Variants in RAD51B observed in about 807,000 individuals in gnomAD.
RAD51B encodes the protein RAD51 paralog B, also known as DNA repair protein RAD51 homolog 2.
RAD51B carries 38 observed loss-of-function variants against 42.2 expected under a neutral mutation model. The observed-to-expected ratio is 0.90, with a 90% CI of 0.70 to 1.18. The LOEUF (loss-of-function observed/expected upper bound fraction) is 1.18. Ranked by LOEUF, RAD51B falls within the 50% of genes most tolerant of loss-of-function variation. The pLI is 0.00. For synonymous variants in RAD51B, 154 were observed against 145.2 expected, an observed-to-expected ratio of 1.06 and a Z score of -0.43; for missense variants, 373 against 400.7, an observed-to-expected ratio of 0.93 and a Z score of 0.59.
At chr14:67,946,284 C>T (rs2045388445) in intron 7 of RAD51B, among the ~76,000 whole-genome samples, 3 of 152,126 alleles carry the variant, frequency 2.0e-5, no homozygotes, top group East Asian at 1.9e-4. Context: ...TATGTCTCTT[C>T]GTGGAATAAA....
At chr14:67,953,752 G>C (rs2074497469) in intron 7 of RAD51B, among the ~76,000 whole-genome samples, 1 of 152,084 alleles carries the variant, frequency 6.6e-6, no homozygotes, top group African/African-American at 2.4e-5. Context: ...AAGAGAATTG[G>C]AACAATATTT....
intron 7 of RAD51B, among the ~76,000 whole-genome samples, chr14:68,229,870 A>G (rs1177048009): frequency 6.6e-6 from 1 of 152,174 alleles, no homozygotes. Flanking sequence ...GATCTCTTAT[A>G]TCTTTGTGCC....
chr14:67,860,073 C>T (rs2042116871), intron 4 of RAD51B, among the ~76,000 whole-genome samples: 2 of 152,264 alleles, frequency 1.3e-5, no homozygotes, highest in South Asian at 4.1e-4. Context: ...CTGCCCACCT[C>T]GGCCTCCCAA....
At chr14:67,922,022 T>G (rs1017751369) in intron 7 of RAD51B, among the ~76,000 whole-genome samples, 2 of 152,242 alleles carry the variant, frequency 1.3e-5, no homozygotes, top group Non-Finnish European at 2.9e-5. Flanking sequence ...ATTTCTGTGT[T>G]CAGGTGCTTT....
chr14:68,276,442 C>T (rs1283448160), intron 7 of RAD51B, among the ~76,000 whole-genome samples: 1 of 152,100 alleles, frequency 6.6e-6, no homozygotes, highest in Non-Finnish European at 1.5e-5. Flanking sequence ...AAATATCAGT[C>T]TTATCTTTGT....
At chr14:67,945,912 G>T (rs1015920086) in intron 7 of RAD51B, among the ~76,000 whole-genome samples, 2 of 152,190 alleles carry the variant, frequency 1.3e-5, no homozygotes, top group African/African-American at 4.8e-5. Context: ...TTCTCAGTGA[G>T]TTTCATAACC....
chr14:68,394,879 A>C (rs182487977), intron 8 of RAD51B, among the ~76,000 whole-genome samples: 44 of 152,290 alleles, frequency 2.9e-4, no homozygotes, highest in African/African-American at 1.0e-3. Flanking sequence ...TTCCCTCTGC[A>C]GCCACAGCTG....
chr14:67,837,421 T>C (rs2041280066), intron 4 of RAD51B, among the ~76,000 whole-genome samples: 1 of 152,210 alleles, frequency 6.6e-6, no homozygotes, highest in African/African-American at 2.4e-5. Flanking sequence ...TTAGCTTTTA[T>C]TAATTATTTT....
rs1204817902 is a variant in RAD51B at position 68,136,575 on chromosome 14, CAAAAAAAAAAA to C, written c.757-155293_757-155283del. On this transcript the variant is annotated intron_variant, in intron 7 of 10. Transcript: ENST00000471583. ...TGTGGTGACAAATGAGACTCCATCT[CAAAAAAAAAAA>C]AAAAAAAAAAAAAAAGAAGTAGACC... 1.6e-3 allele frequency among the ~76,000 whole-genome samples: 7 copies of C among 4,454 alleles called. 2 individuals are homozygous for C. Among genetic ancestry groups the C allele is most frequent in the South Asian group, 0.05 (2 of 40 alleles). The allele number at this position is 4,454 out of a possible 152,430, so 2.9% of individuals were successfully genotyped here. A position where few individuals can be genotyped will look rare whatever the true frequency, so the allele number is the denominator to read the frequency against.
intron 11 of RAD51B, among the ~76,000 whole-genome samples, chr14:68,673,492 C>T (rs1415309316): frequency 6.7e-6 from 1 of 149,204 alleles, no homozygotes; most frequent in Non-Finnish European, 1.5e-5. Flanking sequence ...CATGCACATA[C>T]TGTACACACA....
At chr14:68,441,023 T>C (rs1230919330) in intron 9 of RAD51B, among the ~76,000 whole-genome samples, 2 of 152,192 alleles carry the variant, frequency 1.3e-5, no homozygotes, top group Non-Finnish European at 2.9e-5. Flanking sequence ...GGGTCAGATA[T>C]ATGTTTTATA....
chr14:68,452,886 T>C (rs1445473820), intron 9 of RAD51B, among the ~76,000 whole-genome samples: 1 of 152,166 alleles, frequency 6.6e-6, no homozygotes, highest in African/African-American at 2.4e-5. Context: ...TTTGAAGCCA[T>C]GCTTGACCAG....
intron 8 of RAD51B, among the ~76,000 whole-genome samples, chr14:68,300,509 G>A (rs143209642): frequency 5.1e-4 from 78 of 152,134 alleles, no homozygotes; most frequent in African/African-American, 1.8e-3. Context: ...CACGCCCAGC[G>A]CTCTCCTTTC....
intron 9 of RAD51B, among the ~76,000 whole-genome samples, chr14:68,453,524 A>G (rs2085609276): frequency 6.6e-6 from 1 of 152,178 alleles, no homozygotes; most frequent in Admixed American, 6.5e-5. Flanking sequence ...TTCACCCTGG[A>G]AAGCTAAGTG....
chr14:67,910,445 T>TA (rs2043938365), intron 7 of RAD51B, among the ~76,000 whole-genome samples: 1 of 126,862 alleles, frequency 7.9e-6, no homozygotes, highest in Non-Finnish European at 1.7e-5. Flanking sequence ...AAAAAAAATA[T>TA]TTAAATAAAA....
chr14:68,086,379 C>T (rs1273219949), intron 7 of RAD51B, among the ~76,000 whole-genome samples: 3 of 152,092 alleles, frequency 2.0e-5, no homozygotes, highest in Non-Finnish European at 4.4e-5. Flanking sequence ...GCTAGGGTCT[C>T]GGGGTTTTTA....
chr14:68,338,787 G>T, intron 8 of RAD51B: 1 of 552,144 alleles, frequency 1.8e-6, no homozygotes. Flanking sequence ...GATAATGTGA[G>T]CTACAGACTT....
intron 9 of RAD51B, among the ~76,000 whole-genome samples, chr14:68,430,502 T>C (rs2084974011): frequency 6.6e-6 from 1 of 152,218 alleles, no homozygotes; most frequent in South Asian, 2.1e-4. Flanking sequence ...TTTATTCTCT[T>C]TGAAGCAATT....
chr14:68,515,936 C>T (rs1693463268), intron 10 of RAD51B, among the ~76,000 whole-genome samples: 1 of 151,986 alleles, frequency 6.6e-6, no homozygotes, highest in Non-Finnish European at 1.5e-5. Flanking sequence ...CAGGCACCCA[C>T]CACCATGCCC....
Sources: allele counts gnomAD v4.1 joint callset (sites outside exome capture counted in the v4.1 genomes callset), GRCh38; gene constraint gnomAD v4.1.1; transcripts MANE v1.5; gene names NCBI Gene and HGNC (gene_info 2026-07-23, HGNC 2026-07-21).